The following NIPSNAP2 variants were observed in gnomAD, a reference collection of about 807,000 sequenced individuals.
NIPSNAP2 encodes protein NipSnap homolog 2.
A neutral mutation model predicts 48.4 loss-of-function variants in NIPSNAP2; 42 were observed. The observed-to-expected ratio is 0.87, with a 90% CI of 0.68 to 1.12. The LOEUF is 1.12. Ranked by LOEUF, NIPSNAP2 falls within the 50% of genes most tolerant of loss-of-function variation. The pLI is 0.00. For synonymous variants in NIPSNAP2, 158 were observed against 126.6 expected (o/e 1.25, Z -1.67); for missense variants, 314 against 347.3 (o/e 0.90, Z 0.76).
intron 4 of NIPSNAP2, 33 bp downstream of exon 4, chr7:55,981,600 T>C (rs1352916601): frequency 1.4e-6 from 2 of 1,436,942 alleles, no homozygotes. Flanking sequence ...TAAACACTTC[T>C]TCCTTAAGCC....
At chr7:55,992,190 T>C (rs1719275880) in intron 7 of NIPSNAP2, among the ~76,000 whole-genome samples, 1 of 152,082 alleles carries the variant, frequency 6.6e-6, no homozygotes, top group Non-Finnish European at 1.5e-5. Context: ...AAGGTTCCCA[T>C]CATGGCACTG....
At chr7:55,995,179 A>G (rs1178466787) in intron 8 of NIPSNAP2, among the ~76,000 whole-genome samples, 191 bp downstream of exon 8, 1 of 152,142 alleles carries the variant, frequency 6.6e-6, no homozygotes, top group African/African-American at 2.4e-5. Flanking sequence ...TGATGGCATT[A>G]GTGAGCTGAA....
rs374607909 is a variant in NIPSNAP2 at position 55,981,512 on chromosome 7, C to T, written c.318C>T (p.Tyr106=). 2.1e-5 allele frequency: 34 copies of T among 1,613,780 alleles called. No homozygotes were observed. Among genetic ancestry groups the T allele is most frequent in the Non-Finnish European group, 2.7e-5 (32 of 1,179,858 alleles). ...CAAAGATTCACGAAGATAAACACTACCCTTGTACTTTGGTGGGGACTTGGA... is the reference window on the plus strand; with the variant it reads ...CAAAGATTCACGAAGATAAACACTATCCTTGTACTTTGGTGGGGACTTGGA... ...VLPKIHEDKH[Y]PCTLVGTWNT... Residue 106 remains tyrosine (Y), a synonymous_variant, in exon 4 of 10, where the codon TAC becomes TAT. Transcript: ENST00000322090.
chr7:55,987,798 C>G lies in NIPSNAP2; in HGVS notation c.617+2920C>G, dbSNP rs138210115. Among the ~76,000 whole-genome samples the G allele has an allele frequency of 9.6e-4, 146 of 152,234 alleles. 1 individual carries two copies. In the Middle Eastern group the frequency reaches 0.01, roughly 11 times the overall value. Reference sequence around the variant, plus strand: ...AAAGTGGAAAGGTGGTTGCCGGGAGCTGGGCAGAGAGGGAATACGGAATTG... The same window carrying G: ...AAAGTGGAAAGGTGGTTGCCGGGAGGTGGGCAGAGAGGGAATACGGAATTG... On this transcript the variant is annotated intron_variant, in intron 7 of 9. Transcript: ENST00000322090.
chr7:55,971,019 C>T (rs575234310), intron 1 of NIPSNAP2, among the ~76,000 whole-genome samples: 2 of 152,166 alleles, frequency 1.3e-5, no homozygotes, highest in Non-Finnish European at 1.5e-5. Context: ...ATCTTTGTAT[C>T]CATAGAGCCC....
chr7:55,966,567 G>A (rs1330854487), intron 1 of NIPSNAP2, among the ~76,000 whole-genome samples: 7 of 152,146 alleles, frequency 4.6e-5, no homozygotes, highest in Non-Finnish European at 8.8e-5. Context: ...CTGATCGCTT[G>A]AGCTCAGGAG....
intron 1 of NIPSNAP2, among the ~76,000 whole-genome samples, chr7:55,976,232 A>G (rs1584341591): frequency 6.6e-6 from 1 of 152,144 alleles, no homozygotes. Flanking sequence ...TACAGAATTT[A>G]TCTTGGAGAT....
In NIPSNAP2 at chr7:55,978,277, G is replaced by A. The variant is rs1787143232; in HGVS notation, c.232+12G>A. 6.2e-7 allele frequency: 1 copy of A among 1,613,806 alleles called. No individual in the cohort carries two copies. Among genetic ancestry groups the A allele is most frequent in the Non-Finnish European group, 8.5e-7 (1 of 1,179,850 alleles). Reference sequence around the variant, plus strand: ...ATACAAATTACAGTGTGAGTGACAGGTTTGCTATCTTCATAGTTGACTTTT... The same window carrying A: ...ATACAAATTACAGTGTGAGTGACAGATTTGCTATCTTCATAGTTGACTTTT... On this transcript the variant is annotated intron_variant, in intron 2 of 9. Coordinates refer to ENST00000322090, the MANE Select transcript of NIPSNAP2 (RefSeq NM_001483.3).
intron 7 of NIPSNAP2, 64 bp from the exon 8 acceptor site, chr7:55,994,830 T>C: frequency 7.4e-7 from 1 of 1,347,302 alleles, no homozygotes; most frequent in South Asian, 1.2e-5. Context: ...GAAGGTTTAG[T>C]CTACCGATTC....
rs4689 is a variant in NIPSNAP2, at chr7:55,999,323, G to T, written c.*251G>T. The T allele has an allele frequency of 0.73, 282,738 of 388,290 alleles. 103,993 individuals are homozygous for T. The highest frequency in any genetic ancestry group is 0.76 in the Non-Finnish European group (168,066 of 220,804). The allele number at this position is 388,290 out of a possible 1,614,324, so 24.1% of individuals were successfully genotyped here. On this transcript the variant is annotated 3_prime_UTR_variant, in exon 10 of 10. Transcript: ENST00000322090. ...GTTGTCCAGTATACCTTATAACACT[G>T]AGCCACTTCTCCCCACCCTCCAGAA...
intron 7 of NIPSNAP2, among the ~76,000 whole-genome samples, chr7:55,986,534 C>T (rs962522804): frequency 1.3e-5 from 2 of 151,796 alleles, no homozygotes; most frequent in Non-Finnish European, 2.9e-5. Context: ...TGGCGGTGTG[C>T]ACCTGTAGTT....
chr7:55,999,902 C>G lies in NIPSNAP2; in HGVS notation c.*830C>G, dbSNP rs1787642833. 6.6e-6 allele frequency: 1 copy of G among 152,634 alleles called. No homozygotes were observed. Among genetic ancestry groups the G allele is most frequent in the Admixed American group, 6.5e-5 (1 of 15,270 alleles). The allele number at this position is 152,634 out of a possible 1,614,324, so 9.5% of individuals were successfully genotyped here. ...TTTAATAAGCTCACAGCAGATAATT[C>G]TGAGATCATGGGTGAGGGGTGGTGC... is the stretch of plus-strand genomic sequence containing the variant. On this transcript the variant is annotated 3_prime_UTR_variant, in exon 10 of 10. Transcript: ENST00000322090.
chr7:55,969,619 C>A (rs145431379), intron 1 of NIPSNAP2, among the ~76,000 whole-genome samples: 6 of 152,094 alleles, frequency 3.9e-5, no homozygotes, highest in African/African-American at 1.2e-4. Flanking sequence ...ACTGAGCTCC[C>A]GTGAAGTCAG....
rs113546063 is a variant in NIPSNAP2, at chr7:55,978,028, G to A, written c.93-98G>A. On this transcript the variant is annotated intron_variant, in intron 1 of 9. Transcript: ENST00000322090. ...GCATTCTTTGGTAGCCCAGGTTCTG[G>A]AACGGTGCCTAGAATAGCTGCTCAC... is the stretch of plus-strand genomic sequence containing the variant. 2,286 of 1,385,084 alleles carry A rather than the reference G, an allele frequency of 1.7e-3. 19 individuals carry two copies. The African/African-American group carries it at 0.025, about 15-fold the overall frequency. The allele number at this position is 1,385,084 out of a possible 1,614,324, so 85.8% of individuals were successfully genotyped here.
In NIPSNAP2 at chr7:55,994,878, C is replaced by A; in HGVS notation, c.618-16C>A. 1 of 1,608,736 alleles carries A rather than the reference C, an allele frequency of 6.2e-7. No homozygotes were observed. The highest frequency in any genetic ancestry group is 8.5e-7 in the Non-Finnish European group (1 of 1,175,076). Reference sequence around the variant, plus strand: ...CTAATTCAGTGTCTTAAACAAACATCATCTCATTCTTACAGGGCTCGTGCA... The same window carrying A: ...CTAATTCAGTGTCTTAAACAAACATAATCTCATTCTTACAGGGCTCGTGCA... On this transcript the variant is annotated splice_polypyrimidine_tract_variant and intron_variant, in intron 7 of 9. Transcript: ENST00000322090.
At chr7:55,983,650 T>C in intron 5 of NIPSNAP2, 78 bp from the exon 6 acceptor site, 3 of 1,458,436 alleles carry the variant, frequency 2.1e-6, no homozygotes, top group Non-Finnish European at 2.9e-6. Flanking sequence ...TAGTATTCTG[T>C]AGGAACATCA....
At chr7:55,984,965 A>AG (rs1787297098) in intron 7 of NIPSNAP2, 87 bp downstream of exon 7, 1 of 1,018,852 alleles carries the variant, frequency 9.8e-7, no homozygotes, top group Non-Finnish European at 1.5e-6. Flanking sequence ...AAAAAATCTG[A>AG]GGATAGTACT....
intron 3 of NIPSNAP2, chr7:55,979,714 T>C (rs1470596713): frequency 2.2e-6 from 1 of 454,700 alleles, no homozygotes; most frequent in Non-Finnish European, 4.4e-6. Context: ...GCTTGAGTTC[T>C]GTTTTCTTTT....
intron 7 of NIPSNAP2, among the ~76,000 whole-genome samples, chr7:55,993,434 C>T (rs914603783): frequency 2.0e-5 from 3 of 151,934 alleles, no homozygotes; most frequent in South Asian, 4.2e-4. Flanking sequence ...AAAAAATTAG[C>T]CAGACGTGGT....
Sources: gnomAD v4.1 joint callset for allele counts (sites outside exome capture counted in the v4.1 genomes callset) on GRCh38, gnomAD v4.1.1 for gene constraint, MANE v1.5 for transcripts, NCBI Gene and HGNC (gene_info 2026-07-23, HGNC 2026-07-21) for gene names.